The following ZC3H12B variants were observed in gnomAD, a reference collection of about 807,000 sequenced individuals.
ZC3H12B encodes zinc finger CCCH-type containing 12B.
Under a neutral mutation model 43.9 loss-of-function variants are expected in ZC3H12B, and 7 were observed. The observed-to-expected ratio is 0.16, with a 90% CI of 0.09 to 0.30. The LOEUF is 0.30. ZC3H12B is among the 10% of genes least tolerant of loss of function. ZC3H12B has a pLI of 1.00. For synonymous variants in ZC3H12B, 222 were observed against 241.7 expected (o/e 0.92, Z 0.76); for missense variants, 475 against 670.2 (o/e 0.71, Z 3.22).
At chrX:65,150,260 A>G in the ZC3H12B span, among the ~76,000 whole-genome samples, 160 of 111,500 alleles carry the variant, frequency 1.4e-3, no homozygotes, top group African/African-American at 4.8e-3. Context: ...AGCAATATGA[A>G]CATTACTCAT....
chrX:65,200,426 C>CTT, the ZC3H12B span, among the ~76,000 whole-genome samples: 1,213 of 59,420 alleles, frequency 0.02, 15 homozygotes, highest in African/African-American at 0.024. Flanking sequence ...ATAGTTTCCT[C>CTT]TTTTTTTTTT....
the ZC3H12B span, chrX:65,328,515 C>T: frequency 4.7e-6 from 1 of 211,249 alleles, no homozygotes; most frequent in Non-Finnish European, 9.4e-6. Context: ...AATGTTTCCT[C>T]ATTTTCTTTT....
intron 2 of ZC3H12B, among the ~76,000 whole-genome samples, chrX:65,383,502 A>T (rs1164649446): frequency 8.9e-6 from 1 of 112,040 alleles, no homozygotes; most frequent in Non-Finnish European, 1.9e-5. Context: ...TAAAAACCCT[A>T]GAAGTAAACC....
At chrX:65,131,203 T>C in the ZC3H12B span, among the ~76,000 whole-genome samples, 1 of 111,218 alleles carries the variant, frequency 9.0e-6, no homozygotes, top group Admixed American at 9.5e-5. Context: ...CAATGATAGA[T>C]ATGGAAGATA....
At chrX:65,445,297 C>T (rs776846324) in intron 3 of ZC3H12B, among the ~76,000 whole-genome samples, 7 of 112,024 alleles carry the variant, frequency 6.2e-5, no homozygotes, top group Non-Finnish European at 1.1e-4. Context: ...GCATTGAAGA[C>T]TTAGGCATTT....
At chrX:65,069,692 A>G in the ZC3H12B span, among the ~76,000 whole-genome samples, 1 of 111,972 alleles carries the variant, frequency 8.9e-6, no homozygotes, top group African/African-American at 3.2e-5. Flanking sequence ...CCTTTTCTTC[A>G]TCTATTCAGA....
the ZC3H12B span, among the ~76,000 whole-genome samples, chrX:65,253,707 G>A: frequency 8.9e-6 from 1 of 111,794 alleles, no homozygotes; most frequent in African/African-American, 3.2e-5. Context: ...TGCCCAAATG[G>A]GGTGCCTGCC....
At chrX:65,104,503 C>A in the ZC3H12B span, among the ~76,000 whole-genome samples, 1 of 111,510 alleles carries the variant, frequency 9.0e-6, no homozygotes, top group Admixed American at 9.5e-5. Flanking sequence ...AAAATTTTTG[C>A]AATCTAACCG....
At chrX:65,250,596 C>CT in the ZC3H12B span, among the ~76,000 whole-genome samples, 1 of 111,762 alleles carries the variant, frequency 8.9e-6, no homozygotes, top group Non-Finnish European at 1.9e-5. Context: ...TCTCCAGCAC[C>CT]TGTTTTTTCC....
the ZC3H12B span, among the ~76,000 whole-genome samples, chrX:65,317,243 T>C: frequency 1.1e-5 from 1 of 90,082 alleles, no homozygotes; most frequent in Non-Finnish European, 2.0e-5. Context: ...CATCAAACAA[T>C]CCTCAACCAA....
At chrX:65,140,869 G>A in the ZC3H12B span, among the ~76,000 whole-genome samples, 1 of 111,589 alleles carries the variant, frequency 9.0e-6, no homozygotes, top group South Asian at 3.7e-4. Flanking sequence ...GTTGTTCTTA[G>A]TGGTCACTTA....
chrX:65,371,373 TCA>T (rs2066242551), intron 2 of ZC3H12B, among the ~76,000 whole-genome samples: 1 of 111,673 alleles, frequency 9.0e-6, no homozygotes, highest in Non-Finnish European at 1.9e-5. Context: ...GTCTGTACAG[TCA>T]CATAGCCAGT....
the ZC3H12B span, among the ~76,000 whole-genome samples, chrX:65,144,446 G>C: frequency 9.0e-6 from 1 of 111,574 alleles, no homozygotes; most frequent in Admixed American, 9.5e-5. Flanking sequence ...TTTATCTTTT[G>C]TATTTTTTTG....
chrX:65,251,498 G>A, the ZC3H12B span, among the ~76,000 whole-genome samples: 1 of 111,351 alleles, frequency 9.0e-6, no homozygotes, highest in East Asian at 2.8e-4. Context: ...AGCTTGATGG[G>A]GATGGCATTG....
the ZC3H12B span, among the ~76,000 whole-genome samples, chrX:65,352,431 A>G: frequency 2.5e-3 from 275 of 107,919 alleles, 1 homozygote; most frequent in African/African-American, 9.0e-3. Flanking sequence ...AAAACTGCAC[A>G]TTCTGCACAC....
At chrX:65,174,342 A>G in the ZC3H12B span, among the ~76,000 whole-genome samples, 1 of 112,479 alleles carries the variant, frequency 8.9e-6, no homozygotes, top group African/African-American at 3.2e-5. Flanking sequence ...TATCCATCCA[A>G]GGATTGAAAC....
the ZC3H12B span, among the ~76,000 whole-genome samples, chrX:65,079,116 CAT>C: frequency 2.5e-4 from 28 of 112,522 alleles, no homozygotes; most frequent in South Asian, 7.3e-4. Context: ...TAAGTGAAAA[CAT>C]GTGATGTTTC....
the ZC3H12B span, among the ~76,000 whole-genome samples, chrX:65,291,468 A>C: frequency 7.1e-5 from 8 of 112,293 alleles, no homozygotes; most frequent in Non-Finnish European, 1.1e-4. Flanking sequence ...TCAGTCTTCA[A>C]AAAGCAGGAA....
the ZC3H12B span, among the ~76,000 whole-genome samples, chrX:65,245,181 A>G: frequency 8.9e-6 from 1 of 111,834 alleles, no homozygotes; most frequent in African/African-American, 3.2e-5. Flanking sequence ...CAACCTCCCA[A>G]GACTAAACCA....
Sources: gnomAD v4.1 joint callset for allele counts (sites outside exome capture counted in the v4.1 genomes callset) on GRCh38, gnomAD v4.1.1 for gene constraint, MANE v1.5 for transcripts, NCBI Gene and HGNC (gene_info 2026-07-23, HGNC 2026-07-21) for gene names.